Variants in SSBP2 observed in about 807,000 individuals in gnomAD.
The protein encoded by SSBP2 is single stranded DNA binding protein 2.
SSBP2 carries 17 observed loss-of-function variants against 61.8 expected under a neutral mutation model. The ratio of observed to expected loss-of-function variants is 0.28; its 90% CI spans 0.19 to 0.41. The LOEUF is 0.41. Ranked by LOEUF, SSBP2 falls within the 10% of genes least tolerant of loss-of-function variation. The pLI, the probability that SSBP2 is intolerant of heterozygous loss-of-function variation, is 1.00. For missense variants in SSBP2, 310 were observed against 458.7 expected (o/e 0.68, Z 2.96); for synonymous variants, 139 against 141.3 (o/e 0.98, Z 0.12).
At chr5:81,515,558 GT>G (rs1468371917) in intron 4 of SSBP2, among the ~76,000 whole-genome samples, 1 of 149,866 alleles carries the variant, frequency 6.7e-6, no homozygotes, top group Non-Finnish European at 1.5e-5. Context: ...TATAAAATAT[GT>G]TTTTTTCTCT....
At chr5:81,632,760 A>C (rs1747845159) in intron 3 of SSBP2, among the ~76,000 whole-genome samples, 1 of 152,062 alleles carries the variant, frequency 6.6e-6, no homozygotes, top group Non-Finnish European at 1.5e-5. Context: ...CTCCCATCTA[A>C]AATGAAAAAC....
At chr5:81,489,343 A>G (rs1766683186) in intron 5 of SSBP2, 34 bp from the exon 6 acceptor site, 4 of 1,553,106 alleles carry the variant, frequency 2.6e-6, no homozygotes, top group South Asian at 1.2e-5. Flanking sequence ...AAACAAAACA[A>G]AAAACAGTAC....
chr5:81,476,995 T>C (rs932019011), intron 6 of SSBP2, among the ~76,000 whole-genome samples: 4 of 152,160 alleles, frequency 2.6e-5, no homozygotes, highest in Non-Finnish European at 2.9e-5. Context: ...GGTGTGTGTG[T>C]GTATGTGTGT....
intron 4 of SSBP2, among the ~76,000 whole-genome samples, chr5:81,532,165 T>G (rs934822430): frequency 1.3e-5 from 2 of 152,046 alleles, no homozygotes; most frequent in Non-Finnish European, 2.9e-5. Context: ...AAAAGTTTAT[T>G]TGATGAAAAA....
chr5:81,662,746 A>G (rs913980563), intron 1 of SSBP2, among the ~76,000 whole-genome samples: 16 of 152,298 alleles, frequency 1.1e-4, no homozygotes, highest in South Asian at 8.3e-4. Context: ...GGTTGCAGCA[A>G]GCCAAGATCG....
intron 16 of SSBP2, among the ~76,000 whole-genome samples, chr5:81,423,497 C>T (rs1761742371): frequency 6.6e-6 from 1 of 152,160 alleles, no homozygotes; most frequent in Admixed American, 6.5e-5. Context: ...GTAATTCCAG[C>T]ACTTTGGGAG....
At chr5:81,434,633 C>CAAAAAAAAAAA (rs34269591) in intron 15 of SSBP2, among the ~76,000 whole-genome samples, 115 of 42,816 alleles carry the variant, frequency 2.7e-3, no homozygotes, top group East Asian at 6.9e-3. Context: ...ACTCTTGACT[C>CAAAAAAAAAAA]AAAAAAAAAA....
rs183405279 is a variant in SSBP2, at chr5:81,680,022, A to G, written c.63-29683T>C. ...TGGGCCATCTACCTTCTGTCCTCAGACACTGCTGTTCCTAGTTCTCTGGAC... is the reference window on the plus strand; with the variant it reads ...TGGGCCATCTACCTTCTGTCCTCAGGCACTGCTGTTCCTAGTTCTCTGGAC... On this transcript the variant is annotated intron_variant, in intron 1 of 16. Coordinates refer to ENST00000320672, the MANE Select transcript of SSBP2 (RefSeq NM_012446.5). Among the ~76,000 whole-genome samples, 258 of 151,118 alleles carry G rather than the reference A, an allele frequency of 1.7e-3. No homozygotes were observed. In the South Asian group the frequency reaches 0.018, roughly 11 times the overall value.
At chr5:81,722,939 C>G (rs1386748266) in intron 1 of SSBP2, among the ~76,000 whole-genome samples, 2 of 152,000 alleles carry the variant, frequency 1.3e-5, no homozygotes, top group East Asian at 1.9e-4. Context: ...CAATTGCTTT[C>G]TTTCCCTTTT....
At chr5:81,620,505 A>G (rs1442765656) in intron 3 of SSBP2, among the ~76,000 whole-genome samples, 11 of 145,286 alleles carry the variant, frequency 7.6e-5, no homozygotes, top group Admixed American at 2.7e-4. Flanking sequence ...GGAAGAATCA[A>G]TATCGTGAAA....
chr5:81,498,936 T>C (rs1164425988), intron 5 of SSBP2, among the ~76,000 whole-genome samples: 1 of 152,142 alleles, frequency 6.6e-6, no homozygotes, highest in East Asian at 1.9e-4. Flanking sequence ...AGAAAAGTAA[T>C]GATGCATAAA....
chr5:81,442,607 G>T, intron 13 of SSBP2, 46 bp downstream of exon 13: 2 of 1,071,232 alleles, frequency 1.9e-6, no homozygotes, highest in South Asian at 1.4e-5. Flanking sequence ...CTCAGAGTTT[G>T]AAAGTCTTCA....
At chr5:81,648,257 G>A (rs1749440579) in intron 2 of SSBP2, among the ~76,000 whole-genome samples, 1 of 152,062 alleles carries the variant, frequency 6.6e-6, no homozygotes. Context: ...AAAGGTCATT[G>A]CCCTAAGTCT....
chr5:81,739,366 C>T (rs1030106559), intron 1 of SSBP2, among the ~76,000 whole-genome samples: 5 of 152,098 alleles, frequency 3.3e-5, no homozygotes, highest in Non-Finnish European at 5.9e-5. Context: ...ATACTCTTTA[C>T]TTGCCCCATC....
At chr5:81,603,427 C>T (rs1744578516) in intron 4 of SSBP2, among the ~76,000 whole-genome samples, 1 of 152,168 alleles carries the variant, frequency 6.6e-6, no homozygotes, top group Non-Finnish European at 1.5e-5. Context: ...CTTCTTCTGA[C>T]CCAGCCTCAG....
chr5:81,750,095 C>T (rs538584091), intron 1 of SSBP2, among the ~76,000 whole-genome samples: 22 of 152,042 alleles, frequency 1.4e-4, no homozygotes, highest in African/African-American at 5.1e-4. Flanking sequence ...TCGCCAGCCG[C>T]CGCCGCGGAG....
chr5:81,529,850 G>A (rs1316302021), intron 4 of SSBP2, among the ~76,000 whole-genome samples: 1 of 152,072 alleles, frequency 6.6e-6, no homozygotes, highest in Non-Finnish European at 1.5e-5. Flanking sequence ...TTGATTCAAT[G>A]AGTGATAGAG....
At chr5:81,453,107 C>A (rs1443599927) in intron 10 of SSBP2, among the ~76,000 whole-genome samples, 1 of 151,772 alleles carries the variant, frequency 6.6e-6, no homozygotes, top group Non-Finnish European at 1.5e-5. Context: ...CGAACCTGGG[C>A]AATATGGCAA....
At chr5:81,643,438 A>C (rs1371550251) in intron 2 of SSBP2, among the ~76,000 whole-genome samples, 4 of 152,148 alleles carry the variant, frequency 2.6e-5, no homozygotes, top group African/African-American at 9.7e-5. Context: ...CCTATGTGTA[A>C]GTTTCTTTCT....
Sources: allele counts gnomAD v4.1 joint callset (sites outside exome capture counted in the v4.1 genomes callset), GRCh38; gene constraint gnomAD v4.1.1; transcripts MANE v1.5; gene names NCBI Gene and HGNC (gene_info 2026-07-23, HGNC 2026-07-21).